The following MACROD2 variants were observed in gnomAD, a reference collection of about 807,000 sequenced individuals.
MACROD2 encodes the protein ADP-ribose glycohydrolase MACROD2.
MACROD2 carries 36 observed loss-of-function variants against 70.4 expected under a neutral mutation model. The ratio of observed to expected loss-of-function variants is 0.51; its 90% CI spans 0.39 to 0.68. The LOEUF (loss-of-function observed/expected upper bound fraction) is 0.68, where lower values mean the gene tolerates loss of function less well. Among genes scored for constraint, MACROD2 ranks in the 30% least tolerant of loss-of-function variants. The probability of loss-of-function intolerance (pLI) is 0.00; values close to 1 mark genes in which losing one functional copy is unlikely to be tolerated. For synonymous variants in MACROD2, 172 were observed against 178.8 expected (o/e 0.96, Z 0.30); for missense variants, 496 against 538.4 (o/e 0.92, Z 0.78).
chr20:16,048,154 G>T (rs2067409629), intron 17 of MACROD2, among the ~76,000 whole-genome samples: 2 of 152,070 alleles, frequency 1.3e-5, no homozygotes, highest in Non-Finnish European at 2.9e-5. Context: ...TTCTGCAAAA[G>T]AAAAACAAAT....
At position 15,146,578 on chromosome 20, in the gene MACROD2, C is replaced by T. The variant is rs548427368; in HGVS notation, c.419-83362C>T. Among the ~76,000 whole-genome samples the T allele has an allele frequency of 5.3e-5, 8 of 152,264 alleles. No individual in the cohort carries two copies. In the East Asian group the frequency reaches 1.4e-3, roughly 26 times the overall value. On this transcript the variant is annotated intron_variant, in intron 5 of 17. Coordinates refer to ENST00000684519, the MANE Select transcript of MACROD2 (RefSeq NM_001351661.2). ...AGAGCAAGATCTCCTCAACTTTCCT[C>T]ATATTTCGTTGACTGAGACATGTTG...
intron 8 of MACROD2, among the ~76,000 whole-genome samples, chr20:15,500,086 AT>A (rs897952793): frequency 6.6e-6 from 1 of 152,174 alleles, no homozygotes; most frequent in African/African-American, 2.4e-5. Context: ...CCATAATCTA[AT>A]TTTTTTACAT....
At chr20:14,054,941 A>G (rs2053615021) in intron 2 of MACROD2, among the ~76,000 whole-genome samples, 1 of 152,204 alleles carries the variant, frequency 6.6e-6, no homozygotes, top group African/African-American at 2.4e-5. Context: ...AATTATTTAT[A>G]GACTGCCTTT....
At chr20:14,894,504 T>G (rs1398536587) in intron 5 of MACROD2, 1 of 152,214 alleles carries the variant, frequency 6.6e-6, no homozygotes, top group East Asian at 1.9e-4. Context: ...ATTACAGGCA[T>G]GAGCCACTGT....
At chr20:14,117,394 A>T (rs964759508) in intron 3 of MACROD2, among the ~76,000 whole-genome samples, 3 of 152,180 alleles carry the variant, frequency 2.0e-5, no homozygotes, top group African/African-American at 7.2e-5. Context: ...TTGGTCATGT[A>T]GTTGGCCCTC....
At chr20:15,493,216 G>T (rs1227149319) in intron 7 of MACROD2, among the ~76,000 whole-genome samples, 1 of 152,164 alleles carries the variant, frequency 6.6e-6, no homozygotes, top group Non-Finnish European at 1.5e-5. Flanking sequence ...GGCAGTTAAA[G>T]CTGAGGTGAG....
At chr20:15,038,789 A>G (rs942900834) in intron 5 of MACROD2, among the ~76,000 whole-genome samples, 6 of 152,194 alleles carry the variant, frequency 3.9e-5, no homozygotes, top group African/African-American at 9.7e-5. Flanking sequence ...TGAGGAAGGC[A>G]AGAGATGTAT....
intron 5 of MACROD2, among the ~76,000 whole-genome samples, chr20:15,149,485 TG>T (rs35319766): frequency 0.59 from 89,129 of 151,518 alleles, 26,441 homozygotes; most frequent in East Asian, 0.65. Context: ...TGGAATAATG[TG>T]GGAGGTCGGA....
chr20:15,233,808 C>T (rs1601274529), intron 6 of MACROD2, among the ~76,000 whole-genome samples: 1 of 150,716 alleles, frequency 6.6e-6, no homozygotes, highest in East Asian at 1.9e-4. Flanking sequence ...TCTAATCTTA[C>T]CGTAAATCGT....
At chr20:14,976,917 T>G (rs1212994169) in intron 5 of MACROD2, among the ~76,000 whole-genome samples, 3 of 150,608 alleles carry the variant, frequency 2.0e-5, no homozygotes, top group Non-Finnish European at 2.9e-5. Flanking sequence ...CAATTATTAT[T>G]CCTGCAATTA....
At chr20:14,261,234 C>A (rs1401961279) in intron 3 of MACROD2, among the ~76,000 whole-genome samples, 1 of 149,540 alleles carries the variant, frequency 6.7e-6, no homozygotes, top group African/African-American at 2.4e-5. Flanking sequence ...AAAATAGAGA[C>A]AGTCACTTTG....
chr20:14,840,320 G>A (rs2073074343), intron 5 of MACROD2, among the ~76,000 whole-genome samples: 1 of 152,122 alleles, frequency 6.6e-6, no homozygotes, highest in East Asian at 1.9e-4. Flanking sequence ...TTACAAGCGT[G>A]AGCCATCACG....
intron 3 of MACROD2, among the ~76,000 whole-genome samples, chr20:14,411,793 A>G (rs1005972491): frequency 2.6e-5 from 4 of 152,052 alleles, no homozygotes; most frequent in African/African-American, 9.7e-5. Flanking sequence ...CTGTGCAACT[A>G]TGGGGGGCAC....
At chr20:14,891,165 A>AT (rs1164170837) in intron 5 of MACROD2, among the ~76,000 whole-genome samples, 7 of 151,832 alleles carry the variant, frequency 4.6e-5, no homozygotes, top group Non-Finnish European at 2.9e-5. Flanking sequence ...CCCTTTGGGA[A>AT]TTTTTTTAAA....
chr20:14,471,040 G>T (rs188924617), intron 3 of MACROD2, among the ~76,000 whole-genome samples: 2 of 152,254 alleles, frequency 1.3e-5, no homozygotes, highest in Admixed American at 1.3e-4. Flanking sequence ...TGAAACCCAG[G>T]GCCCTGGTGG....
At chr20:15,474,668 C>T (rs1240234082) in intron 7 of MACROD2, among the ~76,000 whole-genome samples, 1 of 152,162 alleles carries the variant, frequency 6.6e-6, no homozygotes, top group Non-Finnish European at 1.5e-5. Context: ...AAAAACCACC[C>T]TTTGGGAACA....
chr20:15,720,134 A>G (rs768470221), intron 8 of MACROD2, among the ~76,000 whole-genome samples: 2 of 152,148 alleles, frequency 1.3e-5, no homozygotes, highest in African/African-American at 2.4e-5. Context: ...GAATTTTATT[A>G]TTTTTTATAG....
chr20:14,021,997 C>T (rs536476005), intron 2 of MACROD2, among the ~76,000 whole-genome samples: 2 of 152,280 alleles, frequency 1.3e-5, no homozygotes, highest in African/African-American at 4.8e-5. Flanking sequence ...TTTTGACTTA[C>T]ATGTCTTGGG....
At chr20:14,395,399 T>G (rs1344298638) in intron 3 of MACROD2, among the ~76,000 whole-genome samples, 3 of 152,164 alleles carry the variant, frequency 2.0e-5, no homozygotes, top group Non-Finnish European at 4.4e-5. Flanking sequence ...TCATAATATT[T>G]TCTTATTATC....
Sources: gnomAD v4.1 joint callset for allele counts (sites outside exome capture counted in the v4.1 genomes callset) on GRCh38, gnomAD v4.1.1 for gene constraint, MANE v1.5 for transcripts, NCBI Gene and HGNC (gene_info 2026-07-23, HGNC 2026-07-21) for gene names.